The following BCKDHB variants were observed in gnomAD, a reference collection of about 807,000 sequenced individuals.
BCKDHB encodes 2-oxoisovalerate dehydrogenase subunit beta, mitochondrial.
Under a neutral mutation model 48.5 loss-of-function variants are expected in BCKDHB, and 41 were observed. The observed-to-expected ratio is 0.85, with a 90% CI of 0.66 to 1.10. BCKDHB has a LOEUF of 1.10. Among genes scored for constraint, BCKDHB ranks in the 50% least tolerant of loss-of-function variants. The pLI is 0.00. For missense variants in BCKDHB, 496 were observed against 494.2 expected, an observed-to-expected ratio of 1.00 and a Z score of -0.03; for synonymous variants, 201 against 174.8, an observed-to-expected ratio of 1.15 and a Z score of -1.18.
the BCKDHB span, among the ~76,000 whole-genome samples, chr6:80,412,448 A>T: frequency 6.6e-6 from 1 of 152,088 alleles, no homozygotes; most frequent in African/African-American, 2.4e-5. Context: ...CACCCAGGCT[A>T]TAGTTTATAT....
chr6:80,446,826 G>T, the BCKDHB span, among the ~76,000 whole-genome samples: 20 of 145,066 alleles, frequency 1.4e-4, no homozygotes, highest in African/African-American at 4.6e-4. Context: ...TAATGTTTCT[G>T]TGTGGAAGTG....
At chr6:80,313,751 C>A (rs117889180) in intron 9 of BCKDHB, among the ~76,000 whole-genome samples, 1 of 152,130 alleles carries the variant, frequency 6.6e-6, no homozygotes, top group Non-Finnish European at 1.5e-5. Context: ...TGTGTTGCTG[C>A]GTTTTTCAGT....
the BCKDHB span, among the ~76,000 whole-genome samples, chr6:80,371,304 A>G: frequency 9.2e-5 from 14 of 152,028 alleles, no homozygotes; most frequent in Admixed American, 3.9e-4. Context: ...AGAACTGTCT[A>G]TTCATGTCCT....
At chr6:80,193,831 G>A (rs919862916) in intron 6 of BCKDHB, among the ~76,000 whole-genome samples, 86 of 152,048 alleles carry the variant, frequency 5.7e-4, no homozygotes, top group African/African-American at 1.8e-3. Flanking sequence ...GGTCAAGAGT[G>A]TCTAGCAAAA....
chr6:80,224,853 G>A (rs1323952049), intron 8 of BCKDHB, among the ~76,000 whole-genome samples: 4 of 152,180 alleles, frequency 2.6e-5, no homozygotes, highest in Admixed American at 6.5e-5. Flanking sequence ...TGGAAGCCAC[G>A]CAGTTCATCT....
the BCKDHB span, among the ~76,000 whole-genome samples, chr6:80,449,269 C>G: frequency 6.6e-6 from 1 of 152,254 alleles, no homozygotes; most frequent in African/African-American, 2.4e-5. Context: ...CAGATGATTA[C>G]TTCCTAACTT....
chr6:80,150,299 C>T (rs1166225612), intron 3 of BCKDHB, among the ~76,000 whole-genome samples: 2 of 152,046 alleles, frequency 1.3e-5, no homozygotes, highest in African/African-American at 2.4e-5. Context: ...CATGTATTTA[C>T]TTATATATAA....
rs1036964776 is a variant in BCKDHB, at chr6:80,187,334, A to G, written c.743-13600A>G. Among the ~76,000 whole-genome samples the G allele has an allele frequency of 2.6e-5, 4 of 152,206 alleles. No individual in the cohort carries two copies. In the South Asian group the frequency reaches 8.3e-4, roughly 31 times the overall value. On this transcript the variant is annotated intron_variant, in intron 6 of 9. Transcript: ENST00000320393. ...TAAAAGTTGTTGCTATTATTATCAT[A>G]TAAAAATCTCCTATGATTTATTTTA...
At chr6:80,116,560 A>AT (rs34493862) in intron 1 of BCKDHB, among the ~76,000 whole-genome samples, 4 of 152,022 alleles carry the variant, frequency 2.6e-5, no homozygotes, top group Non-Finnish European at 5.9e-5. Flanking sequence ...ATGTCACCTC[A>AT]TTTTTTCAGC....
chr6:80,108,867 CCCAAAAAA>C (rs1769270015), intron 1 of BCKDHB, among the ~76,000 whole-genome samples: 2 of 152,148 alleles, frequency 1.3e-5, no homozygotes, highest in East Asian at 1.9e-4. Context: ...TCAAAAAAAC[CCCAAAAAA>C]CCAAAAAACA....
intron 9 of BCKDHB, among the ~76,000 whole-genome samples, chr6:80,324,107 C>G (rs1363084288): frequency 6.6e-6 from 1 of 152,122 alleles, no homozygotes; most frequent in Admixed American, 6.5e-5. Flanking sequence ...CTTTCCCCCA[C>G]CCTTTCATCT....
the BCKDHB span, among the ~76,000 whole-genome samples, chr6:80,437,761 G>A: frequency 6.6e-6 from 1 of 152,146 alleles, no homozygotes; most frequent in Non-Finnish European, 1.5e-5. Context: ...CTCCTATGGT[G>A]CATAAATTTT....
At position 80,271,269 on chromosome 6, in the gene BCKDHB, T is replaced by G. The variant is rs114708947; in HGVS notation, c.952-1866T>G. On this transcript the variant is annotated intron_variant, in intron 8 of 9. Transcript: ENST00000320393. ...GGCTGTCTTTACATGTCCTTAGTCT[T>G]TTTCATGGCTGCATAATACTCTACT... 9.7e-3 allele frequency among the ~76,000 whole-genome samples: 1,474 copies of G among 152,250 alleles called. 26 individuals carry two copies. Among genetic ancestry groups the G allele is most frequent in the African/African-American group, 0.034 (1,394 of 41,548 alleles).
chr6:80,262,361 C>G (rs943269020), intron 8 of BCKDHB, among the ~76,000 whole-genome samples: 6 of 152,108 alleles, frequency 3.9e-5, no homozygotes, highest in African/African-American at 1.4e-4. Flanking sequence ...ACCGTGGTAA[C>G]ACACAAACAC....
At chr6:80,458,556 G>A in the BCKDHB span, among the ~76,000 whole-genome samples, 2 of 152,196 alleles carry the variant, frequency 1.3e-5, no homozygotes, top group African/African-American at 4.8e-5. Flanking sequence ...CAGTGAATAC[G>A]TGTGACACCA....
chr6:80,399,829 A>G, the BCKDHB span, among the ~76,000 whole-genome samples: 2 of 152,154 alleles, frequency 1.3e-5, no homozygotes, highest in South Asian at 2.1e-4. Context: ...GCATCATGCA[A>G]CTATTCTACA....
intron 8 of BCKDHB, among the ~76,000 whole-genome samples, chr6:80,230,025 T>G (rs1206063535): frequency 1.6e-4 from 11 of 69,456 alleles, no homozygotes; most frequent in East Asian, 1.1e-3. Flanking sequence ...GTTTTTAGGT[T>G]GTTTTTTTTT....
the BCKDHB span, chr6:80,374,672 T>C: frequency 2.3e-6 from 1 of 427,966 alleles, no homozygotes; most frequent in Non-Finnish European, 4.3e-6. Context: ...AGATTTGAGG[T>C]ACTATTCTAT....
At chr6:80,261,247 G>A (rs1273925803) in intron 8 of BCKDHB, among the ~76,000 whole-genome samples, 1 of 151,860 alleles carries the variant, frequency 6.6e-6, no homozygotes, top group African/African-American at 2.4e-5. Context: ...TTCCAATTCG[G>A]GCAATAGCAG....
Sources: gnomAD v4.1 joint callset for allele counts (sites outside exome capture counted in the v4.1 genomes callset) on GRCh38, gnomAD v4.1.1 for gene constraint, MANE v1.5 for transcripts, NCBI Gene and HGNC (gene_info 2026-07-23, HGNC 2026-07-21) for gene names.